The following PIK3C2G variants were observed in gnomAD, a reference collection of about 807,000 sequenced individuals.
PIK3C2G encodes the protein phosphatidylinositol-4-phosphate 3-kinase catalytic subunit type 2 gamma.
A neutral mutation model predicts 181.1 loss-of-function variants in PIK3C2G; 168 were observed. That is an observed-to-expected ratio of 0.93 (90% CI 0.82 to 1.05). The LOEUF is 1.05. PIK3C2G is among the 50% of genes least tolerant of loss of function. PIK3C2G has a pLI of 0.00. For missense variants in PIK3C2G, 1,869 were observed against 1,732.8 expected, an observed-to-expected ratio of 1.08 and a Z score of -1.40; for synonymous variants, 573 against 592.2, an observed-to-expected ratio of 0.97 and a Z score of 0.47.
At chr12:18,463,434 A>G (rs1177818545) in intron 18 of PIK3C2G, among the ~76,000 whole-genome samples, 2 of 152,188 alleles carry the variant, frequency 1.3e-5, no homozygotes, top group African/African-American at 4.8e-5. Context: ...TTTCACCTTT[A>G]ATGCCTCAAT....
At chr12:18,397,649 A>C (rs1487725922) in intron 15 of PIK3C2G, among the ~76,000 whole-genome samples, 1 of 152,096 alleles carries the variant, frequency 6.6e-6, no homozygotes, top group African/African-American at 2.4e-5. Flanking sequence ...TGTGGTACAA[A>C]TGGAACTATC....
intron 1 of PIK3C2G, among the ~76,000 whole-genome samples, chr12:18,268,123 C>T (rs1293055172): frequency 2.6e-5 from 4 of 152,114 alleles, no homozygotes; most frequent in Non-Finnish European, 5.9e-5. Context: ...ATTTATTCTC[C>T]TCCAGATACA....
intron 1 of PIK3C2G, among the ~76,000 whole-genome samples, chr12:18,280,932 A>G (rs977002230): frequency 6.6e-6 from 1 of 152,134 alleles, no homozygotes; most frequent in African/African-American, 2.4e-5. Context: ...TGGATATAGA[A>G]GAAGAAAGAT....
chr12:18,687,870 C>T, the PIK3C2G span, among the ~76,000 whole-genome samples: 1 of 151,870 alleles, frequency 6.6e-6, no homozygotes, highest in Admixed American at 6.6e-5. Context: ...TTTTGAAGGT[C>T]AGGTACATTT....
chr12:18,606,525 T>C (rs1948030977), intron 30 of PIK3C2G, among the ~76,000 whole-genome samples: 1 of 152,120 alleles, frequency 6.6e-6, no homozygotes, highest in African/African-American at 2.4e-5. Context: ...TATATTACCA[T>C]TGCAATTGTA....
chr12:18,351,204 G>C (rs978945373), intron 11 of PIK3C2G, among the ~76,000 whole-genome samples: 1 of 151,724 alleles, frequency 6.6e-6, no homozygotes, highest in African/African-American at 2.4e-5. Context: ...CAAGGAGTTA[G>C]AAAACATTAT....
chr12:18,629,415 G>C (rs73070252), intron 31 of PIK3C2G, among the ~76,000 whole-genome samples: 3,535 of 152,230 alleles, frequency 0.023, 47 homozygotes, highest in Middle Eastern at 0.051. Context: ...AGTTAAGGTG[G>C]AGAAACCCGG....
intron 18 of PIK3C2G, among the ~76,000 whole-genome samples, chr12:18,468,751 G>T (rs1938159756): frequency 6.6e-6 from 1 of 151,980 alleles, no homozygotes; most frequent in South Asian, 2.1e-4. Flanking sequence ...CTCAAGGAAT[G>T]AATTTCATAA....
intron 31 of PIK3C2G, among the ~76,000 whole-genome samples, chr12:18,625,563 A>T (rs1949060917): frequency 6.6e-6 from 1 of 151,772 alleles, no homozygotes; most frequent in South Asian, 2.1e-4. Flanking sequence ...GTTCAAATTC[A>T]GTGTTTCCTT....
chr12:18,376,675 T>C (rs1942461619), intron 13 of PIK3C2G, among the ~76,000 whole-genome samples: 1 of 152,182 alleles, frequency 6.6e-6, no homozygotes, highest in Admixed American at 6.5e-5. Flanking sequence ...AATTGTAGTT[T>C]CCAGTGTTGG....
intron 18 of PIK3C2G, among the ~76,000 whole-genome samples, chr12:18,474,106 G>A (rs759257134): frequency 5.9e-5 from 9 of 151,552 alleles, no homozygotes; most frequent in Admixed American, 1.3e-4. Flanking sequence ...TATTATTATT[G>A]AGCAGATATT....
At chr12:18,268,078 T>C (rs1948584626) in intron 1 of PIK3C2G, among the ~76,000 whole-genome samples, 1 of 152,120 alleles carries the variant, frequency 6.6e-6, no homozygotes, top group Non-Finnish European at 1.5e-5. Flanking sequence ...AGCAGGAAAA[T>C]GAACCATTTC....
chr12:18,648,841 T>G (rs148644832), downstream of PIK3C2G, among the ~76,000 whole-genome samples: 26 of 152,276 alleles, frequency 1.7e-4, no homozygotes, highest in Middle Eastern at 6.8e-3. Flanking sequence ...TTTAATGCAC[T>G]ATGCCACATT....
chr12:18,650,700 GTGTGTATA>G (rs1950438892), downstream of PIK3C2G, among the ~76,000 whole-genome samples: 2 of 43,840 alleles, frequency 4.6e-5, no homozygotes, highest in African/African-American at 1.8e-4. Flanking sequence ...GTGTGTGTGT[GTGTGTATA>G]TATCTATATA....
At chr12:18,569,726 A>G (rs1174529763) in intron 29 of PIK3C2G, among the ~76,000 whole-genome samples, 2 of 151,792 alleles carry the variant, frequency 1.3e-5, no homozygotes, top group East Asian at 3.9e-4. Context: ...ACATTTTCCA[A>G]TTTTCTATAC....
At chr12:18,384,453 T>C (rs1008467220) in intron 14 of PIK3C2G, among the ~76,000 whole-genome samples, 3 of 152,142 alleles carry the variant, frequency 2.0e-5, no homozygotes, top group South Asian at 2.1e-4. Flanking sequence ...AGAAGACAAA[T>C]GTATTTTCTA....
chr12:18,718,605 G>A, the PIK3C2G span, among the ~76,000 whole-genome samples: 1 of 151,854 alleles, frequency 6.6e-6, no homozygotes, highest in Non-Finnish European at 1.5e-5. Context: ...TGTTTCTAAG[G>A]CTTCCTGTAT....
rs538297087 is a variant in PIK3C2G, at chr12:18,435,928, A to G, written c.2504+11889A>G. On this transcript the variant is annotated intron_variant, in intron 18 of 32. Coordinates refer to ENST00000538779, the MANE Select transcript of PIK3C2G (RefSeq NM_001288772.2). Reference sequence around the variant, plus strand: ...ACCATTTCCCTTCCTTCACTTGAAGATACTTCTTCACTTCAAGATACTTAG... The same window carrying G: ...ACCATTTCCCTTCCTTCACTTGAAGGTACTTCTTCACTTCAAGATACTTAG... 2.6e-5 allele frequency among the ~76,000 whole-genome samples: 4 copies of G among 151,818 alleles called. No homozygotes were observed. The South Asian group carries it at 6.2e-4, about 24-fold the overall frequency.
chr12:18,565,567 T>C (rs1267317734), intron 28 of PIK3C2G, among the ~76,000 whole-genome samples: 1 of 152,130 alleles, frequency 6.6e-6, no homozygotes, highest in Non-Finnish European at 1.5e-5. Context: ...TTGTCAGATG[T>C]TTTCTAATCT....
Sources: allele counts gnomAD v4.1 joint callset (sites outside exome capture counted in the v4.1 genomes callset), GRCh38; gene constraint gnomAD v4.1.1; transcripts MANE v1.5; gene names NCBI Gene and HGNC (gene_info 2026-07-23, HGNC 2026-07-21).